HVCN1: variants seen among roughly 807,000 people sequenced by gnomAD.
HVCN1 encodes the protein voltage-gated hydrogen channel 1.
Under a neutral mutation model 29.2 loss-of-function variants are expected in HVCN1, and 14 were observed. That is an observed-to-expected ratio of 0.48 (90% CI 0.32 to 0.75). The LOEUF (loss-of-function observed/expected upper bound fraction) is 0.75, where lower values mean the gene tolerates loss of function less well. Ranked by LOEUF, HVCN1 falls within the 30% of genes least tolerant of loss-of-function variation. The probability of loss-of-function intolerance (pLI) is 0.04; values close to 1 mark genes in which losing one functional copy is unlikely to be tolerated. For missense variants in HVCN1, 263 were observed against 341.8 expected, an observed-to-expected ratio of 0.77 and a Z score of 1.82; for synonymous variants, 131 against 133.2, an observed-to-expected ratio of 0.98 and a Z score of 0.11.
At chr12:110,682,240 G>A (rs1392875473) in intron 3 of HVCN1, among the ~76,000 whole-genome samples, 4 of 151,958 alleles carry the variant, frequency 2.6e-5, no homozygotes, top group African/African-American at 4.8e-5. Flanking sequence ...CACCTGCCTC[G>A]GCCTCCCAAA....
rs753319763 is a variant in HVCN1 at position 110,661,022 on chromosome 12, C to A, written c.306+142G>T. 6.4e-6 allele frequency: 5 copies of A among 782,552 alleles called. No homozygotes were observed. Among genetic ancestry groups the A allele is most frequent in the Non-Finnish European group, 1.1e-5 (5 of 469,250 alleles). The allele number at this position is 782,552 out of a possible 1,614,324, so 48.5% of individuals were successfully genotyped here. On this transcript the variant is annotated intron_variant, in intron 4 of 7. Coordinates refer to ENST00000242607, the MANE Select transcript of HVCN1 (RefSeq NM_032369.4). The surrounding 1 kb of genome is among the most constrained non-coding windows in gnomAD (Gnocchi z 6.2). Reference sequence around the variant, plus strand: ...CCGCATTCCCAGCACGGTACAGGGTCCCCGGCACGTGGTAGGTGCTGGGCA... The same window carrying A: ...CCGCATTCCCAGCACGGTACAGGGTACCCGGCACGTGGTAGGTGCTGGGCA...
chr12:110,675,891 A>G lies in HVCN1; in HGVS notation c.21+7334T>C, dbSNP rs886638115. Among the ~76,000 whole-genome samples the G allele has an allele frequency of 3.9e-5, 6 of 152,218 alleles. No individual in the cohort carries two copies. The East Asian group carries it at 5.8e-4, about 15-fold the overall frequency. Reference sequence around the variant, plus strand: ...GCCATTGCACTCCAGCCAGGACAACAGAACAAGATTCTGTCTCAATAATAA... The same window carrying G: ...GCCATTGCACTCCAGCCAGGACAACGGAACAAGATTCTGTCTCAATAATAA... On this transcript the variant is annotated intron_variant, in intron 3 of 7. Transcript: ENST00000242607.
chr12:110,676,306 T>C lies in HVCN1; in HGVS notation c.21+6919A>G, dbSNP rs1205486298. Reference sequence around the variant, plus strand: ...CTCTCCTTCCCTGCTGCATTCTCCATCAGCTGCAGGAGAGCATCCCTCCAA... The same window carrying C: ...CTCTCCTTCCCTGCTGCATTCTCCACCAGCTGCAGGAGAGCATCCCTCCAA... On this transcript the variant is annotated intron_variant, in intron 3 of 7. Transcript: ENST00000242607. The surrounding 1 kb of genome is among the most constrained non-coding windows in gnomAD (Gnocchi z 4.1). 2.0e-5 allele frequency among the ~76,000 whole-genome samples: 3 copies of C among 152,196 alleles called. No individual in the cohort carries two copies. The highest frequency in any genetic ancestry group is 2.9e-5 in the Non-Finnish European group (2 of 68,034).
In HVCN1 at chr12:110,651,105, A is replaced by T. The variant is rs1034325074; in HGVS notation, c.643+112T>A. 2.6e-5 allele frequency: 19 copies of T among 734,190 alleles called. No homozygotes were observed. The African/African-American group carries it at 3.3e-4, about 13-fold the overall frequency. The allele number at this position is 734,190 out of a possible 1,614,324, so 45.5% of individuals were successfully genotyped here. A position where few individuals can be genotyped will look rare whatever the true frequency, so the allele number is the denominator to read the frequency against. On this transcript the variant is annotated intron_variant, in intron 6 of 7. Coordinates refer to ENST00000242607, the MANE Select transcript of HVCN1 (RefSeq NM_032369.4). ...GTGAGGGGGCAGAGGGGAGGCCTCC[A>T]TAACAGGAGCCACTGTGAGCTCAGG...
Position 110,662,454 on chromosome 12 carries a change from C to A in HVCN1, c.22-1006G>T, listed in dbSNP as rs142030649. Among the ~76,000 whole-genome samples the A allele has an allele frequency of 2.5e-3, 379 of 152,328 alleles. 1 individual carries two copies. Among genetic ancestry groups the A allele is most frequent in the Admixed American group, 5.0e-3 (77 of 15,306 alleles). On this transcript the variant is annotated intron_variant, in intron 3 of 7. Transcript: ENST00000242607. ...TGGTGGCTCATGCCTATAATCCCAG[C>A]ACTCATTCCATGGGCTAAGGCAAGT...
At chr12:110,660,062 C>CCAATCAAT (rs1019950211) in intron 4 of HVCN1, among the ~76,000 whole-genome samples, 5 of 150,736 alleles carry the variant, frequency 3.3e-5, no homozygotes, top group Non-Finnish European at 7.4e-5. Flanking sequence ...GACTCTGTCT[C>CCAATCAAT]CAATCAATCA....
chr12:110,671,346 C>T (rs1012091382), intron 3 of HVCN1, among the ~76,000 whole-genome samples: 4 of 151,984 alleles, frequency 2.6e-5, no homozygotes, highest in Non-Finnish European at 5.9e-5. Flanking sequence ...GAAAAGGACA[C>T]ACAGAGGGTA....
intron 3 of HVCN1, among the ~76,000 whole-genome samples, chr12:110,670,850 T>A (rs539785992): frequency 6.6e-6 from 1 of 152,286 alleles, no homozygotes; most frequent in Admixed American, 6.5e-5. Flanking sequence ...GATGAAATCA[T>A]ACTGGATTTA....
chr12:110,653,093 C>T (rs1593434757), intron 5 of HVCN1, among the ~76,000 whole-genome samples: 1 of 152,186 alleles, frequency 6.6e-6, no homozygotes, highest in Non-Finnish European at 1.5e-5. Context: ...ATGGGACATT[C>T]TACTGGCTGG....
intron 1 of HVCN1, among the ~76,000 whole-genome samples, chr12:110,703,033 C>T (rs1383099542): frequency 6.6e-6 from 1 of 151,974 alleles, no homozygotes; most frequent in African/African-American, 2.4e-5. Flanking sequence ...AGTGATCCTC[C>T]TGCCTTGGCC....
Position 110,650,223 on chromosome 12 carries a change from A to C in HVCN1, c.701T>G (p.Met234Arg). 6.2e-7 allele frequency: 1 copy of C among 1,613,762 alleles called. No homozygotes were observed. Among genetic ancestry groups the C allele is most frequent in the Non-Finnish European group, 8.5e-7 (1 of 1,179,688 alleles). ...SERQLLRLKQ[M>R]NVQLAAKIQH... The stretch of plus-strand genomic sequence containing the variant: ...AATCTTGGCGGCCAATTGTACATTC[A>C]TCTGTTTTAACCTTAAGAGTTGCCG... The change falls in exon 7 of 8, where the codon ATG becomes AGG. Residue 234 changes from methionine to arginine, a missense_variant. Coordinates refer to ENST00000242607, the MANE Select transcript of HVCN1 (RefSeq NM_032369.4).
intron 3 of HVCN1, among the ~76,000 whole-genome samples, chr12:110,668,786 T>C (rs1219045086): frequency 6.6e-6 from 1 of 152,180 alleles, no homozygotes; most frequent in Admixed American, 6.5e-5. Context: ...TCCTCTGCGG[T>C]CACCTTTCCA....
At position 110,661,254 on chromosome 12, in the gene HVCN1, AG is replaced by A. The variant is rs977283524; in HGVS notation, c.215del (p.Pro72LeufsTer21). 1 of 1,614,092 alleles carries A rather than the reference AG, an allele frequency of 6.2e-7. No homozygotes were observed. Among genetic ancestry groups the A allele is most frequent in the Non-Finnish European group, 8.5e-7 (1 of 1,179,972 alleles). ...CGGGGCCAGGGGCAGGGGCAACGTC[AG>A]GGGCTGCAGCTCTGCCTTCCTCGCC... is the stretch of plus-strand genomic sequence containing the variant. ...VSGEEGRAAA[P>X]DVAPAPGPAP... On this transcript the variant is annotated frameshift_variant, in exon 4 of 8. Coordinates refer to ENST00000242607, the MANE Select transcript of HVCN1 (RefSeq NM_032369.4). LOFTEE classifies it high-confidence loss of function. The surrounding 1 kb of genome is among the most constrained non-coding windows in gnomAD (Gnocchi z 6.2).
At chr12:110,666,717 C>T (rs2068374171) in intron 3 of HVCN1, among the ~76,000 whole-genome samples, 1 of 152,118 alleles carries the variant, frequency 6.6e-6, no homozygotes, top group African/African-American at 2.4e-5. Flanking sequence ...CTCTTCTCCC[C>T]AATCCGAGCT....
At chr12:110,683,413 G>A in intron 2 of HVCN1, 149 bp from the exon 3 acceptor site, 1 of 868,230 alleles carries the variant, frequency 1.2e-6, no homozygotes, top group Non-Finnish European at 1.7e-6. Flanking sequence ...AGTATATGTA[G>A]GAGGGCATAC....
chr12:110,699,704 C>T (rs1325487353), intron 2 of HVCN1, among the ~76,000 whole-genome samples: 1 of 152,130 alleles, frequency 6.6e-6, no homozygotes, highest in Admixed American at 6.6e-5. Context: ...TGCCCCTCCT[C>T]TCCTGGCCGT....
intron 3 of HVCN1, among the ~76,000 whole-genome samples, chr12:110,675,257 A>G (rs369217469): frequency 2.0e-5 from 3 of 152,188 alleles, no homozygotes; most frequent in African/African-American, 7.2e-5. Context: ...TCAGGAGTTC[A>G]AGACCAGCCT....
At chr12:110,662,071 G>C (rs1289008073) in intron 3 of HVCN1, among the ~76,000 whole-genome samples, 1 of 152,168 alleles carries the variant, frequency 6.6e-6, no homozygotes, top group Non-Finnish European at 1.5e-5. Flanking sequence ...AAATGTATAG[G>C]TATGAGTGCA....
intron 3 of HVCN1, among the ~76,000 whole-genome samples, chr12:110,667,486 AGT>A (rs1214364330): frequency 6.6e-6 from 1 of 151,820 alleles, no homozygotes; most frequent in African/African-American, 2.4e-5. Flanking sequence ...GCTGGACTGT[AGT>A]GTGCGATCAC....
Sources: allele counts gnomAD v4.1 joint callset (sites outside exome capture counted in the v4.1 genomes callset), GRCh38; gene constraint gnomAD v4.1.1; non-coding constraint Gnocchi (gnomAD v3.1); transcripts MANE v1.5; gene names NCBI Gene and HGNC (gene_info 2026-07-23, HGNC 2026-07-21).